PCDHGB3: variants seen among roughly 807,000 people sequenced by gnomAD.
PCDHGB3 encodes the protein protocadherin gamma subfamily B, 3.
In PCDHGB3, 40 loss-of-function variants were observed where a neutral mutation model predicts 59.2. The observed-to-expected ratio is 0.68, with a 90% CI of 0.52 to 0.88. PCDHGB3 has a LOEUF of 0.88. Among genes scored for constraint, PCDHGB3 ranks in the 40% least tolerant of loss-of-function variants. The pLI, the probability that PCDHGB3 is intolerant of heterozygous loss-of-function variation, is 0.00. For missense variants in PCDHGB3, 1,309 were observed against 1,187.9 expected (o/e 1.10, Z -1.50); for synonymous variants, 581 against 503.6 (o/e 1.15, Z -2.06).
Position 141,487,252 on chromosome 5 carries a change from G to T in PCDHGB3, c.2416-7555G>T. ...GAGAATCTCGTCTAACCCTCTACTT[G>T]GCTGTGTCCCTAGTGGCAATTTGCT... On this transcript the variant is annotated intron_variant, in intron 1 of 3. Transcript: ENST00000576222. The surrounding 1 kb of genome is among the most constrained non-coding windows in gnomAD (Gnocchi z 5.0). 1 of 1,614,110 alleles carries T rather than the reference G, an allele frequency of 6.2e-7. No homozygotes were observed. The highest frequency in any genetic ancestry group is 8.5e-7 in the Non-Finnish European group (1 of 1,180,014).
At chr5:141,501,198 G>C (rs2299024) in intron 2 of PCDHGB3, among the ~76,000 whole-genome samples, 89,086 of 151,686 alleles carry the variant, frequency 0.59, 27,759 homozygotes, top group African/African-American at 0.8. Context: ...TAAATTCAGG[G>C]TGTTGTCAGG....
intron 1 of PCDHGB3, among the ~76,000 whole-genome samples, chr5:141,400,819 C>T (rs1316119038): frequency 6.6e-6 from 1 of 152,132 alleles, no homozygotes; most frequent in Non-Finnish European, 1.5e-5. Context: ...TTTACCTATT[C>T]GTTGTCTCAT....
At chr5:141,454,019 A>G (rs905033407) in intron 1 of PCDHGB3, among the ~76,000 whole-genome samples, 1 of 152,262 alleles carries the variant, frequency 6.6e-6, no homozygotes, top group African/African-American at 2.4e-5. Flanking sequence ...AGAAAAATGT[A>G]TTAAGAATTG....
At position 141,511,399 on chromosome 5, in the gene PCDHGB3, A is replaced by C; in HGVS notation, c.*226A>C. 1.0e-6 allele frequency: 1 copy of C among 987,714 alleles called. No homozygotes were observed. The highest frequency in any genetic ancestry group is 1.4e-6 in the Non-Finnish European group (1 of 693,342). The allele number at this position is 987,714 out of a possible 1,614,324, so 61.2% of individuals were successfully genotyped here. ...CAGTTCCGCTGGGAACCCCCATCCA[A>C]TCAACTGCTGTACCCATGGGGGTAG... On this transcript the variant is annotated 3_prime_UTR_variant, in exon 4 of 4. Transcript: ENST00000576222.
intron 1 of PCDHGB3, chr5:141,418,408 A>G (rs2096253819): frequency 8.1e-6 from 13 of 1,614,032 alleles, no homozygotes; most frequent in Non-Finnish European, 1.1e-5. Flanking sequence ...TGGTGGAGAA[A>G]GACAATCCTG....
rs189824439 is a variant in PCDHGB3 at position 141,393,729 on chromosome 5, A to G, written c.2415+20920A>G. ...TACTGGGGAAATATCAATAGCAAAA[A>G]GTCTAGATTATGAAGAATGTTCATT... On this transcript the variant is annotated intron_variant, in intron 1 of 3. Transcript: ENST00000576222. 7.2e-4 allele frequency: 1,163 copies of G among 1,613,856 alleles called. 2 individuals carry two copies. Among genetic ancestry groups the G allele is most frequent in the Non-Finnish European group, 7.9e-4 (934 of 1,179,868 alleles).
chr5:141,467,532 T>G (rs2099145568), intron 1 of PCDHGB3, among the ~76,000 whole-genome samples: 1 of 152,234 alleles, frequency 6.6e-6, no homozygotes, highest in Non-Finnish European at 1.5e-5. Flanking sequence ...TGTGCTGAGA[T>G]ATGGATCTGA....
chr5:141,450,817 A>G, intron 1 of PCDHGB3, among the ~76,000 whole-genome samples: 1 of 137,534 alleles, frequency 7.3e-6, no homozygotes, highest in East Asian at 2.1e-4. Context: ...TTTATTTAAT[A>G]TTATTATTAT....
chr5:141,373,994 G>C lies in PCDHGB3; in HGVS notation c.2415+1185G>C, dbSNP rs1355942933. 8.0e-6 allele frequency: 10 copies of C among 1,243,924 alleles called. 1 individual carries two copies. Among genetic ancestry groups the C allele is most frequent in the African/African-American group, 3.0e-5 (2 of 65,694 alleles). The allele number at this position is 1,243,924 out of a possible 1,614,324, so 77.1% of individuals were successfully genotyped here. A position where few individuals can be genotyped will look rare whatever the true frequency, so the allele number is the denominator to read the frequency against. On this transcript the variant is annotated intron_variant, in intron 1 of 3. Transcript: ENST00000576222. ...CGCATCCGGTCTCTGCTTGTTGAAG[G>C]ACCTTCACCGCTATTTCTGAGAAGA...
intron 1 of PCDHGB3, chr5:141,420,367 T>C: frequency 7.3e-7 from 1 of 1,360,684 alleles, no homozygotes; most frequent in Non-Finnish European, 9.7e-7. Flanking sequence ...CTAGATAACT[T>C]CTTCATAGAG....
intron 2 of PCDHGB3, among the ~76,000 whole-genome samples, chr5:141,499,297 T>A (rs1449576891): frequency 1.3e-5 from 2 of 152,036 alleles, no homozygotes; most frequent in Non-Finnish European, 2.9e-5. Flanking sequence ...CACACTACCA[T>A]CCCTCCTCTG....
chr5:141,478,221 C>A, intron 1 of PCDHGB3: 1 of 1,614,122 alleles, frequency 6.2e-7, no homozygotes, highest in Non-Finnish European at 8.5e-7. Context: ...ATCCTGGTTT[C>A]TGTGGGGTTT....
chr5:141,503,910 G>A (rs1311674998), intron 2 of PCDHGB3, among the ~76,000 whole-genome samples: 1 of 152,062 alleles, frequency 6.6e-6, no homozygotes, highest in Admixed American at 6.6e-5. Flanking sequence ...CACACACAAC[G>A]CAACACACAC....
At chr5:141,429,297 T>C (rs985228754) in intron 1 of PCDHGB3, 7 of 152,208 alleles carry the variant, frequency 4.6e-5, no homozygotes, top group Admixed American at 3.3e-4. Flanking sequence ...GGGACATCAA[T>C]ATTTGAGTAT....
intron 1 of PCDHGB3, chr5:141,387,785 G>A: frequency 6.8e-7 from 1 of 1,472,108 alleles, no homozygotes; most frequent in Non-Finnish European, 9.1e-7. Flanking sequence ...AACTGGAACT[G>A]CAACTAAAGT....
intron 3 of PCDHGB3, among the ~76,000 whole-genome samples, chr5:141,505,765 T>C (rs970212345): frequency 5.3e-5 from 8 of 151,922 alleles, no homozygotes; most frequent in African/African-American, 1.9e-4. Flanking sequence ...ACAGTGTAGC[T>C]CAGGTCCTAG....
chr5:141,485,689 G>A lies in PCDHGB3; in HGVS notation c.2416-9118G>A. On this transcript the variant is annotated intron_variant, in intron 1 of 3. Transcript: ENST00000576222. This position sits in a 1 kb window ranked among gnomAD's most constrained non-coding sequence, Gnocchi z 5.7. ...GCAATTCGATTAGCAGCTATAGGCT[G>A]AGCTCCAATGAACACTTTGCACTGG... The A allele has an allele frequency of 6.2e-7, 1 of 1,614,086 alleles. No individual in the cohort carries two copies. The highest frequency in any genetic ancestry group is 8.5e-7 in the Non-Finnish European group (1 of 1,179,970).
chr5:141,393,574 A>T (rs2092798550), intron 1 of PCDHGB3: 2 of 1,613,798 alleles, frequency 1.2e-6, no homozygotes, highest in Non-Finnish European at 1.7e-6. Context: ...GTCCTTGAGA[A>T]CATGCCCCCA....
At chr5:141,395,110 G>A (rs2150602560) in intron 1 of PCDHGB3, 1 of 1,614,214 alleles carries the variant, frequency 6.2e-7, no homozygotes, top group Admixed American at 1.7e-5. Context: ...TCGCGGAAGA[G>A]TCACCTGATC....
Sources: allele counts gnomAD v4.1 joint callset (sites outside exome capture counted in the v4.1 genomes callset), GRCh38; gene constraint gnomAD v4.1.1; non-coding constraint Gnocchi (gnomAD v3.1); transcripts MANE v1.5; gene names NCBI Gene and HGNC (gene_info 2026-07-23, HGNC 2026-07-21).